Variants in PARM1 observed in about 807,000 individuals in gnomAD.
PARM1 encodes the protein WSC4, cell wall integrity and stress response component 4 homolog.
Under a neutral mutation model 24.6 loss-of-function variants are expected in PARM1, and 14 were observed. That is an observed-to-expected ratio of 0.57 (90% CI 0.38 to 0.89). The LOEUF (loss-of-function observed/expected upper bound fraction) is 0.89, where lower values mean the gene tolerates loss of function less well. Among genes scored for constraint, PARM1 ranks in the 40% least tolerant of loss-of-function variants. The pLI is 0.00. For missense variants in PARM1, 362 were observed against 380.4 expected, an observed-to-expected ratio of 0.95 and a Z score of 0.40; for synonymous variants, 179 against 156.6, an observed-to-expected ratio of 1.14 and a Z score of -1.07.
At chr4:74,964,198 A>G (rs17000037) in intron 1 of PARM1, among the ~76,000 whole-genome samples, 4,419 of 152,224 alleles carry the variant, frequency 0.029, 209 homozygotes, top group African/African-American at 0.1. Context: ...AGTTCAAATA[A>G]TACTCTTCTT....
rs1290297219 is a variant in PARM1 at position 75,019,980 on chromosome 4, G to T, written c.769+6830G>T. On this transcript the variant is annotated intron_variant, in intron 2 of 3. Transcript: ENST00000307428. Reference sequence around the variant, plus strand: ...ATTGCGCCACTGCAGTCCGCAGTCCGGCCTGGGCGACAGAACGAGACTCCG... The same window carrying T: ...ATTGCGCCACTGCAGTCCGCAGTCCTGCCTGGGCGACAGAACGAGACTCCG... 2.1e-5 allele frequency among the ~76,000 whole-genome samples: 3 copies of T among 141,360 alleles called. No individual in the cohort carries two copies. The South Asian group carries it at 6.8e-4, about 32-fold the overall frequency. 92.7% of individuals were successfully genotyped at this position (141,360 alleles called of 152,430 possible).
At chr4:74,997,699 C>G (rs1363109442) in intron 1 of PARM1, 1 of 152,180 alleles carries the variant, frequency 6.6e-6, no homozygotes, top group Non-Finnish European at 1.5e-5. Context: ...AGATTTGAGA[C>G]TCACCTTTAA....
intron 1 of PARM1, among the ~76,000 whole-genome samples, chr4:74,943,832 G>A (rs1209868318): frequency 2.0e-5 from 3 of 152,172 alleles, no homozygotes; most frequent in Non-Finnish European, 2.9e-5. Context: ...AGTTAAGTCT[G>A]AGAAATTTAA....
At chr4:75,003,936 A>T (rs533003044) in intron 1 of PARM1, among the ~76,000 whole-genome samples, 7 of 152,296 alleles carry the variant, frequency 4.6e-5, no homozygotes, top group South Asian at 2.1e-4. Context: ...CAATGTAAAG[A>T]TGTTAAAACT....
At chr4:74,938,558 T>A (rs1284117657) in intron 1 of PARM1, among the ~76,000 whole-genome samples, 2 of 152,192 alleles carry the variant, frequency 1.3e-5, no homozygotes, top group African/African-American at 4.8e-5. Context: ...TATCCAATGT[T>A]TGCTTTTTGC....
chr4:74,982,125 T>A (rs1480898874), intron 1 of PARM1, among the ~76,000 whole-genome samples: 1 of 152,148 alleles, frequency 6.6e-6, no homozygotes, highest in African/African-American at 2.4e-5. Context: ...TAAAAAGGAA[T>A]GAGATCATGT....
intron 1 of PARM1, among the ~76,000 whole-genome samples, chr4:74,977,995 C>T (rs756768626): frequency 6.6e-6 from 1 of 152,170 alleles, no homozygotes; most frequent in East Asian, 1.9e-4. Context: ...AAAACCATTA[C>T]CAGCTACTAT....
chr4:75,016,146 TG>T (rs1464001134), intron 2 of PARM1, among the ~76,000 whole-genome samples: 1 of 152,096 alleles, frequency 6.6e-6, no homozygotes, highest in African/African-American at 2.4e-5. Context: ...GGCTCCATGA[TG>T]GAGAGAGCAG....
intron 1 of PARM1, chr4:74,970,173 A>G (rs1352607991): frequency 1.3e-5 from 2 of 152,186 alleles, no homozygotes; most frequent in Admixed American, 6.5e-5. Context: ...CCCTAAGCTA[A>G]ATTTAGAAGT....
intron 1 of PARM1, among the ~76,000 whole-genome samples, chr4:74,939,176 C>T (rs1273045961): frequency 6.6e-6 from 1 of 152,138 alleles, no homozygotes; most frequent in Non-Finnish European, 1.5e-5. Flanking sequence ...GACTTTGATA[C>T]AGGATTAGCT....
chr4:74,963,827 A>T (rs1047002054), intron 1 of PARM1, among the ~76,000 whole-genome samples: 44 of 152,222 alleles, frequency 2.9e-4, no homozygotes, highest in Admixed American at 2.8e-3. Context: ...TTTACATATT[A>T]TAAAATTTAC....
intron 1 of PARM1, among the ~76,000 whole-genome samples, chr4:75,008,654 C>T (rs1010364558): frequency 6.6e-6 from 1 of 152,162 alleles, no homozygotes; most frequent in African/African-American, 2.4e-5. Flanking sequence ...ATTAATCTTT[C>T]CTCAGAGTTT....
intron 2 of PARM1, among the ~76,000 whole-genome samples, chr4:75,017,052 A>G (rs375991346): frequency 2.0e-5 from 3 of 152,228 alleles, no homozygotes. Flanking sequence ...AAACCCTCAA[A>G]GTAATCCTAG....
At chr4:75,007,904 G>A (rs1722802850) in intron 1 of PARM1, among the ~76,000 whole-genome samples, 1 of 152,204 alleles carries the variant, frequency 6.6e-6, no homozygotes, top group Non-Finnish European at 1.5e-5. Flanking sequence ...CTTCAAGCCA[G>A]GGGGTGGGCC....
At chr4:75,031,407 C>G (rs1723275111) in intron 2 of PARM1, among the ~76,000 whole-genome samples, 1 of 152,028 alleles carries the variant, frequency 6.6e-6, no homozygotes, top group South Asian at 2.1e-4. Flanking sequence ...GTCATATAGG[C>G]TATCTTCTGT....
chr4:75,020,009 C>CAAAAAAAAAAAAAAAAAAAAAAAAAAA (rs1161399344), intron 2 of PARM1, among the ~76,000 whole-genome samples: 1 of 31,046 alleles, frequency 3.2e-5, no homozygotes, highest in African/African-American at 5.4e-5. Flanking sequence ...GACTCCGTCT[C>CAAAAAAAAAAAAAAAAAAAAAAAAAAA]AAAAAAAAAA....
At chr4:75,006,507 G>GT (rs1164992241) in intron 1 of PARM1, among the ~76,000 whole-genome samples, 1 of 152,130 alleles carries the variant, frequency 6.6e-6, no homozygotes, top group Non-Finnish European at 1.5e-5. Context: ...ATTCCATGGT[G>GT]TATCTGTGCC....
At chr4:75,005,262 C>A (rs1178670316) in intron 1 of PARM1, among the ~76,000 whole-genome samples, 1 of 152,188 alleles carries the variant, frequency 6.6e-6, no homozygotes. Flanking sequence ...AAGGGCTTGA[C>A]TGCATTTTGA....
chr4:74,955,176 A>G (rs1721606353), intron 1 of PARM1, among the ~76,000 whole-genome samples: 2 of 152,142 alleles, frequency 1.3e-5, no homozygotes, highest in South Asian at 4.1e-4. Context: ...GCTAATAAAC[A>G]TATTCCAAAT....
Sources: allele counts gnomAD v4.1 joint callset (sites outside exome capture counted in the v4.1 genomes callset), GRCh38; gene constraint gnomAD v4.1.1; transcripts MANE v1.5; gene names NCBI Gene and HGNC (gene_info 2026-07-23, HGNC 2026-07-21).